DNAJC10: variants seen among roughly 807,000 people sequenced by gnomAD.
The protein encoded by DNAJC10 is endoplasmic reticulum disulfide reductase DNAJC10.
Under a neutral mutation model 115.0 loss-of-function variants are expected in DNAJC10, and 101 were observed. The observed-to-expected ratio is 0.88, with a 90% CI of 0.75 to 1.04. DNAJC10 has a LOEUF of 1.04. Ranked by LOEUF, DNAJC10 falls within the 50% of genes least tolerant of loss-of-function variation. The pLI, the probability that DNAJC10 is intolerant of heterozygous loss-of-function variation, is 0.00. For missense variants in DNAJC10, 981 were observed against 928.8 expected (o/e 1.06, Z -0.73); for synonymous variants, 307 against 301.5 (o/e 1.02, Z -0.19).
intron 23 of DNAJC10, among the ~76,000 whole-genome samples, chr2:182,776,315 T>G (rs1694705156): frequency 6.6e-6 from 1 of 152,204 alleles, no homozygotes; most frequent in Non-Finnish European, 1.5e-5. Flanking sequence ...TGTTGGCCCC[T>G]CTTTGAATCT....
chr2:182,763,014 C>T (rs1263986414), intron 22 of DNAJC10, among the ~76,000 whole-genome samples: 3 of 152,028 alleles, frequency 2.0e-5, no homozygotes, highest in African/African-American at 2.4e-5. Flanking sequence ...ATTGCCTTAA[C>T]ATTTTTATAC....
intron 10 of DNAJC10, among the ~76,000 whole-genome samples, chr2:182,736,014 T>C (rs2105635505): frequency 6.6e-6 from 1 of 152,228 alleles, no homozygotes; most frequent in South Asian, 2.1e-4. Flanking sequence ...ATTTCTACTA[T>C]TAGGGAAAAA....
rs56151760 is a variant in DNAJC10, at chr2:182,753,579, G to GTT, written c.1552-1404_1552-1403dup. Among the ~76,000 whole-genome samples, 482 of 99,374 alleles carry GTT rather than the reference G, an allele frequency of 4.9e-3. 32 individuals carry two copies. The highest frequency in any genetic ancestry group is 0.011 in the African/African-American group (283 of 25,206). The allele number at this position is 99,374 out of a possible 152,430, so 65.2% of individuals were successfully genotyped here. A position where few individuals can be genotyped will look rare whatever the true frequency, so the allele number is the denominator to read the frequency against. On this transcript the variant is annotated intron_variant, in intron 16 of 23. Transcript: ENST00000264065. Reference sequence around the variant, plus strand: ...TCTTAATTTTAATTTCTTTAGTTTAGTTTTTTTTTTTTTTTTTTTTTGAGA... The same window carrying GTT: ...TCTTAATTTTAATTTCTTTAGTTTAGTTTTTTTTTTTTTTTTTTTTTTTGAGA...
At chr2:182,721,331 A>G (rs1291408644) in intron 4 of DNAJC10, among the ~76,000 whole-genome samples, 1 of 152,102 alleles carries the variant, frequency 6.6e-6, no homozygotes, top group Non-Finnish European at 1.5e-5. Context: ...CTGGCTTGCC[A>G]TTTGCTTTTA....
At position 182,746,693 on chromosome 2, in the gene DNAJC10, T is replaced by C. The variant is rs531733656; in HGVS notation, c.1306+2981T>C. Among the ~76,000 whole-genome samples, 4 of 152,328 alleles carry C rather than the reference T, an allele frequency of 2.6e-5. No homozygotes were observed. In the South Asian group the frequency reaches 8.3e-4, roughly 32 times the overall value. On this transcript the variant is annotated intron_variant, in intron 14 of 23. Coordinates refer to ENST00000264065, the MANE Select transcript of DNAJC10 (RefSeq NM_018981.4). The stretch of plus-strand genomic sequence containing the variant: ...CATTCTTTAGGTTGCCTGTTCACTC[T>C]GATGGTACTTTCTTTTGCTGTGCAG...
At chr2:182,752,311 ATTAT>A in intron 16 of DNAJC10, 123 bp downstream of exon 16, 1 of 484,350 alleles carries the variant, frequency 2.1e-6, no homozygotes, top group Non-Finnish European at 3.4e-6. Flanking sequence ...GTAGTAACAA[ATTAT>A]TTAAACAAAA....
rs549162251 is a variant in DNAJC10 at position 182,780,414 on chromosome 2, C to T, written c.*3282C>T. 1 of 152,224 alleles carries T rather than the reference C, an allele frequency of 6.6e-6. No homozygotes were observed. The highest frequency in any genetic ancestry group is 6.5e-5 in the Admixed American group (1 of 15,268). The allele number at this position is 152,224 out of a possible 1,614,324, so 9.4% of individuals were successfully genotyped here. A position where few individuals can be genotyped will look rare whatever the true frequency, so the allele number is the denominator to read the frequency against. ...CTCTGTGTGACATGCCTTCTCCCCC[C>T]GTGCCTTCTGCCATGAGTAAAAGCT... On this transcript the variant is annotated 3_prime_UTR_variant, in exon 24 of 24. Coordinates refer to ENST00000264065, the MANE Select transcript of DNAJC10 (RefSeq NM_018981.4).
chr2:182,765,465 A>T (rs1275259042), intron 22 of DNAJC10, among the ~76,000 whole-genome samples: 1 of 152,158 alleles, frequency 6.6e-6, no homozygotes, highest in Non-Finnish European at 1.5e-5. Context: ...AAGGACAAGA[A>T]TTGCCAGCCA....
rs890231460 is a variant in DNAJC10 at position 182,780,098 on chromosome 2, T to C, written c.*2966T>C. ...GAAAAGTAAATAACCTTTCTGATAA[T>C]ATTCTACTTTACACATATACTGAAA... On this transcript the variant is annotated 3_prime_UTR_variant, in exon 24 of 24. Transcript: ENST00000264065. The C allele has an allele frequency of 2.0e-5, 3 of 152,148 alleles. No homozygotes were observed. The highest frequency in any genetic ancestry group is 7.2e-5 in the African/African-American group (3 of 41,418). The allele number at this position is 152,148 out of a possible 1,614,324, so 9.4% of individuals were successfully genotyped here. A position where few individuals can be genotyped will look rare whatever the true frequency, so the allele number is the denominator to read the frequency against.
At chr2:182,763,559 C>G (rs1168876927) in intron 22 of DNAJC10, among the ~76,000 whole-genome samples, 4 of 152,110 alleles carry the variant, frequency 2.6e-5, no homozygotes, top group Non-Finnish European at 5.9e-5. Flanking sequence ...AGCACTCAAA[C>G]TGCATTCTCA....
chr2:182,757,272 G>T (rs1694179749), intron 18 of DNAJC10, among the ~76,000 whole-genome samples: 1 of 152,082 alleles, frequency 6.6e-6, no homozygotes, highest in Non-Finnish European at 1.5e-5. Flanking sequence ...TAACATTTAG[G>T]ATTACATATT....
chr2:182,762,561 G>A (rs1694312023), intron 21 of DNAJC10, 121 bp from the exon 22 acceptor site: 2 of 1,029,642 alleles, frequency 1.9e-6, no homozygotes, highest in Admixed American at 2.6e-5. Context: ...GTTTGAGTAG[G>A]AAGAATTAAA....
intron 5 of DNAJC10, 66 bp downstream of exon 5, chr2:182,722,141 G>A: frequency 9.1e-7 from 1 of 1,096,792 alleles, no homozygotes; most frequent in South Asian, 1.5e-5. Context: ...AACTCTAGGG[G>A]ATATATATGT....
rs56151760 is a variant in DNAJC10 at position 182,753,579 on chromosome 2, G to GTTTTTTT, written c.1551+1406_1552-1403dup. On this transcript the variant is annotated intron_variant, in intron 16 of 23. Coordinates refer to ENST00000264065, the MANE Select transcript of DNAJC10 (RefSeq NM_018981.4). ...TCTTAATTTTAATTTCTTTAGTTTA[G>GTTTTTTT]TTTTTTTTTTTTTTTTTTTTTGAGA... Among the ~76,000 whole-genome samples the GTTTTTTT allele has an allele frequency of 6.1e-4, 61 of 99,406 alleles. 2 individuals are homozygous for GTTTTTTT. The highest frequency in any genetic ancestry group is 6.7e-4 in the Non-Finnish European group (36 of 53,440). 65.2% of individuals were successfully genotyped at this position (99,406 alleles called of 152,430 possible). A position where few individuals can be genotyped will look rare whatever the true frequency, so the allele number is the denominator to read the frequency against.
chr2:182,752,511 TATA>T (rs1192881908), intron 16 of DNAJC10: 3 of 617,334 alleles, frequency 4.9e-6, no homozygotes, highest in Non-Finnish European at 6.1e-6. Flanking sequence ...TTTGACATTT[TATA>T]ATTTTTTTCC....
chr2:182,784,806 C>T lies in DNAJC10; in HGVS notation c.*7674C>T, dbSNP rs2105724634. 6.6e-6 allele frequency: 1 copy of T among 152,248 alleles called. No individual in the cohort carries two copies. Among genetic ancestry groups the T allele is most frequent in the African/African-American group, 2.4e-5 (1 of 41,564 alleles). 9.4% of individuals were successfully genotyped at this position (152,248 alleles called of 1,614,324 possible). Reference sequence around the variant, plus strand: ...CTTTCTCAAAGGATTTTTAGGGCTTCATAATTTCTTGTTGCTCTGTGTAAA... The same window carrying T: ...CTTTCTCAAAGGATTTTTAGGGCTTTATAATTTCTTGTTGCTCTGTGTAAA... On this transcript the variant is annotated 3_prime_UTR_variant, in exon 24 of 24. Coordinates refer to ENST00000264065, the MANE Select transcript of DNAJC10 (RefSeq NM_018981.4).
Position 182,728,616 on chromosome 2 carries a change from T to C in DNAJC10, c.459T>C (p.Phe153=). The C allele has an allele frequency of 6.2e-7, 1 of 1,612,742 alleles. No individual in the cohort carries two copies. Among genetic ancestry groups the C allele is most frequent in the Non-Finnish European group, 8.5e-7 (1 of 1,179,276 alleles). ...CTGGAGAACTGTGGTTTGTAAATTT[T>C]TACTCCCCAGGCTGTTCACACTGCC... ...VNSGELWFVN[F]YSPGCSHCHD... The change falls in exon 6 of 24, where the codon TTT becomes TTC. Residue 153 remains phenylalanine (F), a synonymous_variant. Transcript: ENST00000264065.
Position 182,728,925 on chromosome 2 carries a change from TGA to T in DNAJC10, c.565_566del (p.Asp189Ter). 6.2e-7 allele frequency: 1 copy of T among 1,614,074 alleles called. No homozygotes were observed. Among genetic ancestry groups the T allele is most frequent in the Non-Finnish European group, 8.5e-7 (1 of 1,179,974 alleles). On this transcript the variant is annotated frameshift_variant, in exon 7 of 24. Transcript: ENST00000264065. LOFTEE classifies it high-confidence loss of function. Reference sequence around the variant, plus strand: ...GAATTGGAGCTGTTAACTGTGGTGATGATAGAATGCTTTGCCGAATGAAAGGA... The same window carrying T: ...GAATTGGAGCTGTTAACTGTGGTGATTAGAATGCTTTGCCGAATGAAAGGA... ...LRIGAVNCGD[D>X]RMLCRMKGVN...
At chr2:182,761,822 C>T (rs1694292605) in intron 21 of DNAJC10, among the ~76,000 whole-genome samples, 1 of 151,860 alleles carries the variant, frequency 6.6e-6, no homozygotes, top group East Asian at 1.9e-4. Flanking sequence ...CACCTGTTCA[C>T]AGTGAAAAGA....
Sources: allele counts gnomAD v4.1 joint callset (sites outside exome capture counted in the v4.1 genomes callset), GRCh38; gene constraint gnomAD v4.1.1; transcripts MANE v1.5; gene names NCBI Gene and HGNC (gene_info 2026-07-23, HGNC 2026-07-21).